The following SESTD1 variants were observed in gnomAD, a reference collection of about 807,000 sequenced individuals.
SESTD1 encodes SEC14 domain and spectrin repeat-containing protein 1.
In SESTD1, 43 loss-of-function variants were observed where a neutral mutation model predicts 101.7. The ratio of observed to expected loss-of-function variants is 0.42; its 90% CI spans 0.33 to 0.55. The LOEUF (loss-of-function observed/expected upper bound fraction) is 0.55, where lower values mean the gene tolerates loss of function less well. Ranked by LOEUF, SESTD1 falls within the 20% of genes least tolerant of loss-of-function variation. The pLI, the probability that SESTD1 is intolerant of heterozygous loss-of-function variation, is 0.07. For missense variants in SESTD1, 647 were observed against 815.1 expected (o/e 0.79, Z 2.51); for synonymous variants, 283 against 286.8 (o/e 0.99, Z 0.13).
At chr2:179,199,033 G>C (rs552579360) in intron 1 of SESTD1, among the ~76,000 whole-genome samples, 18 of 152,058 alleles carry the variant, frequency 1.2e-4, no homozygotes, top group African/African-American at 4.3e-4. Flanking sequence ...TTTTTGACAG[G>C]ATCAACAAAA....
At chr2:179,173,774 T>C (rs2045964851) in intron 4 of SESTD1, among the ~76,000 whole-genome samples, 1 of 152,026 alleles carries the variant, frequency 6.6e-6, no homozygotes, top group Non-Finnish European at 1.5e-5. Context: ...CACTCGGTTC[T>C]GTCAGGATAG....
intron 1 of SESTD1, among the ~76,000 whole-genome samples, chr2:179,229,394 C>T (rs759566363): frequency 6.6e-6 from 1 of 152,090 alleles, no homozygotes; most frequent in African/African-American, 2.4e-5. Context: ...ACCATTGTTG[C>T]TCCTAGTCCT....
At chr2:179,113,191 T>C (rs971184967) in intron 16 of SESTD1, among the ~76,000 whole-genome samples, 1 of 152,222 alleles carries the variant, frequency 6.6e-6, no homozygotes, top group African/African-American at 2.4e-5. Context: ...CTTTCATTTA[T>C]ATTAAGTAAC....
intron 7 of SESTD1, among the ~76,000 whole-genome samples, chr2:179,148,904 C>CA (rs972072680): frequency 6.6e-6 from 1 of 151,366 alleles, no homozygotes; most frequent in African/African-American, 2.4e-5. Context: ...ATTAAAAATA[C>CA]AAAAAATTAG....
intron 1 of SESTD1, among the ~76,000 whole-genome samples, chr2:179,244,196 C>T (rs956764166): frequency 2.6e-5 from 4 of 151,978 alleles, no homozygotes; most frequent in African/African-American, 7.3e-5. Context: ...GTGGCTCACA[C>T]CTGTAATCCC....
intron 1 of SESTD1, among the ~76,000 whole-genome samples, chr2:179,193,886 T>A (rs1238860537): frequency 2.6e-5 from 4 of 152,196 alleles, no homozygotes; most frequent in African/African-American, 9.6e-5. Flanking sequence ...GGCCACCAGG[T>A]GGGACCCTTG....
rs190244019 is a variant in SESTD1, at chr2:179,189,626, A to G, written c.55+2161T>C. Among the ~76,000 whole-genome samples, 479 of 152,286 alleles carry G rather than the reference A, an allele frequency of 3.1e-3. 2 individuals carry two copies. Among genetic ancestry groups the G allele is most frequent in the African/African-American group, 0.011 (453 of 41,564 alleles). ...CATAGAATTAGAAAAAGGAGGAGTC[A>G]AATTATTGCTCTTCGTTGACTTTAT... On this transcript the variant is annotated intron_variant, in intron 2 of 17. Coordinates refer to ENST00000428443, the MANE Select transcript of SESTD1 (RefSeq NM_178123.5).
chr2:179,164,632 G>A (rs2045802479), intron 5 of SESTD1, among the ~76,000 whole-genome samples: 1 of 152,194 alleles, frequency 6.6e-6, no homozygotes, highest in African/African-American at 2.4e-5. Context: ...CTATGTCAGA[G>A]ATAGGAAGGA....
intron 5 of SESTD1, among the ~76,000 whole-genome samples, chr2:179,152,868 G>A (rs764219328): frequency 2.1e-4 from 32 of 151,794 alleles, no homozygotes; most frequent in Admixed American, 3.9e-4. Flanking sequence ...AGTCAGGAGA[G>A]GAAAAAGACA....
intron 1 of SESTD1, among the ~76,000 whole-genome samples, chr2:179,216,667 A>G (rs1437275826): frequency 1.5e-5 from 2 of 135,286 alleles, no homozygotes; most frequent in Non-Finnish European, 3.2e-5. Flanking sequence ...AGGAGTCCAC[A>G]TTGCCAAGAC....
intron 9 of SESTD1, among the ~76,000 whole-genome samples, chr2:179,140,897 C>T (rs1240353942): frequency 6.6e-6 from 1 of 152,186 alleles, no homozygotes; most frequent in Non-Finnish European, 1.5e-5. Flanking sequence ...ACAAAGAACT[C>T]TTCACACTTT....
rs6757681 is a variant in SESTD1, at chr2:179,183,181, T to C, written c.63A>G (p.Lys21=). Residue 21 remains lysine (K), a synonymous_variant, in exon 3 of 18, where the codon AAA becomes AAG. Transcript: ENST00000428443. ...TCAAAATGAGGCCACTCCGTCTGTC[T>C]TTTCCTCCTATTAAAAAAGAGATTT... ...KKKLAFLSGG[K]DRRSGLILTI... The C allele has an allele frequency of 0.79, 1,274,663 of 1,603,558 alleles. 508,737 individuals are homozygous for C. Among genetic ancestry groups the C allele is most frequent in the East Asian group, 0.94 (41,904 of 44,642 alleles).
rs150813332 is a variant in SESTD1 at position 179,256,451 on chromosome 2, A to G, written c.-26+8048T>C. On this transcript the variant is annotated intron_variant, in intron 1 of 17. Coordinates refer to ENST00000428443, the MANE Select transcript of SESTD1 (RefSeq NM_178123.5). ...AGTAACTGCAGATGTGGTAGAAATA[A>G]CAACAGAACTAGAATTAGAAGTGGA... 4.6e-5 allele frequency among the ~76,000 whole-genome samples: 7 copies of G among 152,360 alleles called. No homozygotes were observed. The East Asian group carries it at 9.6e-4, about 21-fold the overall frequency.
chr2:179,182,955 A>G (rs2046142030), intron 3 of SESTD1, 125 bp downstream of exon 3: 2 of 561,284 alleles, frequency 3.6e-6, no homozygotes, highest in Non-Finnish European at 6.0e-6. Context: ...TTTAGTATCT[A>G]TAATTATAAT....
chr2:179,175,913 A>G (rs955047095), intron 4 of SESTD1, among the ~76,000 whole-genome samples: 1 of 152,214 alleles, frequency 6.6e-6, no homozygotes, highest in Non-Finnish European at 1.5e-5. Context: ...AGGGGCTGAA[A>G]TTCCTGAGGA....
intron 5 of SESTD1, among the ~76,000 whole-genome samples, chr2:179,160,609 C>A (rs16866665): frequency 0.16 from 23,948 of 151,880 alleles, 3,056 homozygotes; most frequent in African/African-American, 0.36. Context: ...TAAAGATAAA[C>A]CTTCTTTAAA....
chr2:179,199,852 T>G (rs1279946767), intron 1 of SESTD1, among the ~76,000 whole-genome samples: 1 of 152,166 alleles, frequency 6.6e-6, no homozygotes, highest in Non-Finnish European at 1.5e-5. Context: ...GCATTCCCTT[T>G]GAAAACTGGC....
Position 179,206,164 on chromosome 2 carries a change from C to T in SESTD1, c.-25-14298G>A, listed in dbSNP as rs151059863. ...GCAAATAGGAGACAGGACTAACGTG[C>T]AGCTCCCACTTGGACAGACAGTACA... is the stretch of plus-strand genomic sequence containing the variant. On this transcript the variant is annotated intron_variant, in intron 1 of 17. Transcript: ENST00000428443. Among the ~76,000 whole-genome samples, 820 of 135,360 alleles carry T rather than the reference C, an allele frequency of 6.1e-3. 209 individuals are homozygous for T. The highest frequency in any genetic ancestry group is 0.023 in the African/African-American group (782 of 34,312). 88.8% of individuals were successfully genotyped at this position (135,360 alleles called of 152,430 possible). A position where few individuals can be genotyped will look rare whatever the true frequency, so the allele number is the denominator to read the frequency against.
rs148093804 is a variant in SESTD1, at chr2:179,164,231, G to C, written c.369+7889C>G. Among the ~76,000 whole-genome samples the C allele has an allele frequency of 4.4e-3, 663 of 152,272 alleles. 4 individuals are homozygous for C. Among genetic ancestry groups the C allele is most frequent in the African/African-American group, 0.015 (617 of 41,566 alleles). On this transcript the variant is annotated intron_variant, in intron 5 of 17. Coordinates refer to ENST00000428443, the MANE Select transcript of SESTD1 (RefSeq NM_178123.5). ...GAAAGAATCAGAATAAATGGAGCCA[G>C]GGGTGTTCTTGAAAGAAGAGCATCA... is the stretch of plus-strand genomic sequence containing the variant.
Sources: gnomAD v4.1 joint callset for allele counts (sites outside exome capture counted in the v4.1 genomes callset) on GRCh38, gnomAD v4.1.1 for gene constraint, MANE v1.5 for transcripts, NCBI Gene and HGNC (gene_info 2026-07-23, HGNC 2026-07-21) for gene names.